The following FAM120AOS variants were observed in gnomAD, a reference collection of about 807,000 sequenced individuals.
FAM120AOS encodes family with sequence similarity 120 member A opposite strand, also known as uncharacterized protein FAM120AOS.
A neutral mutation model predicts 20.2 loss-of-function variants in FAM120AOS; 15 were observed. That is an observed-to-expected ratio of 0.74 (90% confidence interval 0.50 to 1.15). FAM120AOS has a LOEUF of 1.15. FAM120AOS is among the 50% of genes most tolerant of loss of function. The pLI is 0.00. For synonymous variants in FAM120AOS, 154 were observed against 154.0 expected, an observed-to-expected ratio of 1.00 and a Z score of 0.00; for missense variants, 327 against 351.9, an observed-to-expected ratio of 0.93 and a Z score of 0.57.
chr9:93,450,619 G>A lies in FAM120AOS; in HGVS notation c.564-20C>T, dbSNP rs1213735577. 1.9e-6 allele frequency: 3 copies of A among 1,606,928 alleles called. No homozygotes were observed. Among genetic ancestry groups the A allele is most frequent in the South Asian group, 2.2e-5 (2 of 90,346 alleles). On this transcript the variant is annotated intron_variant, in intron 1 of 2. Coordinates refer to ENST00000375412, the MANE Select transcript of FAM120AOS (RefSeq NM_198841.4). ...AGGTTTCTCCAAAAAAAGAACAAATGGAGAGATGAAGGTAAGTAAAAGCGG... is the reference window on the plus strand; with the variant it reads ...AGGTTTCTCCAAAAAAAGAACAAATAGAGAGATGAAGGTAAGTAAAAGCGG...
rs1856778689 is a variant in FAM120AOS at position 93,444,225 on chromosome 9, A to G, written c.*3386T>C. Among the ~76,000 whole-genome samples the G allele has an allele frequency of 6.6e-6, 1 of 151,958 alleles. No individual in the cohort carries two copies. The highest frequency in any genetic ancestry group is 2.4e-5 in the African/African-American group (1 of 41,332). On this transcript the variant is annotated 3_prime_UTR_variant, in exon 3 of 3. Coordinates refer to ENST00000375412, the MANE Select transcript of FAM120AOS (RefSeq NM_198841.4). ...CCAGCTAATTTTGTGTTTTTAGTAGAGACAGGGTTTCTCCATGTTGGTCAG... is the reference window on the plus strand; with the variant it reads ...CCAGCTAATTTTGTGTTTTTAGTAGGGACAGGGTTTCTCCATGTTGGTCAG...
chr9:93,451,364 C>A, intron 1 of FAM120AOS: 2 of 1,418,744 alleles, frequency 1.4e-6, no homozygotes, highest in Non-Finnish European at 1.8e-6. Context: ...CGAGAACCAC[C>A]GGGCGGAGGC....
Position 93,450,522 on chromosome 9 carries a change from G to A in FAM120AOS, c.641C>T (p.Ala214Val). 6.2e-7 allele frequency: 1 copy of A among 1,602,196 alleles called. No individual in the cohort carries two copies. Among genetic ancestry groups the A allele is most frequent in the Non-Finnish European group, 8.5e-7 (1 of 1,174,498 alleles). ...QLLPSTWSLH[A>V]HGLAKEAPIL... ...GGGGGCTTCTTTGGCCAAACCGTGC[G>A]CGTGCAGGCTCCATGTGCTGGGCAG... The change falls in exon 2 of 3, where the codon GCG becomes GTG. Residue 214 changes from alanine (A) to valine (V), a missense_variant. By Grantham distance (64) the Ala-to-Val change is moderately conservative. Around this residue, in one of 3 missense-constraint regions of FAM120AOS, gnomAD observed 86 missense variants for 82.9 expected, o/e 1.04. Coordinates refer to ENST00000375412, the MANE Select transcript of FAM120AOS (RefSeq NM_198841.4).
intron 1 of FAM120AOS, chr9:93,451,179 T>G: frequency 6.5e-7 from 1 of 1,549,702 alleles, no homozygotes; most frequent in Non-Finnish European, 8.7e-7. Context: ...GACCCCGCAG[T>G]CAGTGTGGGC....
chr9:93,450,767 T>TC, intron 1 of FAM120AOS, 168 bp from the exon 2 acceptor site: 1 of 1,148,670 alleles, frequency 8.7e-7, no homozygotes, highest in Non-Finnish European at 1.3e-6. Flanking sequence ...TTAGAAGCAG[T>TC]TACGACAGAG....
chr9:93,450,892 TCA>T (rs1426625903), intron 1 of FAM120AOS: 1 of 987,838 alleles, frequency 1.0e-6, no homozygotes, highest in Non-Finnish European at 1.6e-6. Context: ...GGCGCACGTT[TCA>T]GTCTAGCCAT....
intron 2 of FAM120AOS, 29 bp from the exon 3 acceptor site, chr9:93,447,726 T>C (rs1468853365): frequency 2.6e-6 from 4 of 1,566,992 alleles, no homozygotes; most frequent in Non-Finnish European, 1.8e-6. Flanking sequence ...AGGTAGTTTA[T>C]ATATTAGTTT....
chr9:93,447,168 T>G lies in FAM120AOS; in HGVS notation c.*443A>C. On this transcript the variant is annotated 3_prime_UTR_variant, in exon 3 of 3. Coordinates refer to ENST00000375412, the MANE Select transcript of FAM120AOS (RefSeq NM_198841.4). ...GGCAATATGATCTGTTGCAGGAGGG[T>G]TTATAGGGTACTTAGTTACACAGGT... The G allele has an allele frequency of 6.1e-6, 1 of 162,868 alleles. No individual in the cohort carries two copies. Among genetic ancestry groups the G allele is most frequent in the Non-Finnish European group, 1.4e-5 (1 of 73,688 alleles). 10.1% of individuals were successfully genotyped at this position (162,868 alleles called of 1,614,324 possible).
In FAM120AOS at chr9:93,452,735, C is replaced by T. The variant is rs764927222; in HGVS notation, c.-26G>A. ...CCTATTTGAGGCGGGCAGGCTATCA[C>T]TCACCTTCAACTTTGACAAAATACT... is the stretch of plus-strand genomic sequence containing the variant. On this transcript the variant is annotated 5_prime_UTR_variant, in exon 1 of 3. It adds an upstream start codon to the 5' untranslated region. Transcript: ENST00000375412. The surrounding 1 kb of genome is among the most constrained non-coding windows in gnomAD (Gnocchi z 7.0). 3.8e-6 allele frequency: 6 copies of T among 1,598,068 alleles called. No individual in the cohort carries two copies. In the Admixed American group the frequency reaches 8.3e-5, roughly 22 times the overall value.
chr9:93,447,474 A>C lies in FAM120AOS; in HGVS notation c.*137T>G, dbSNP rs1588738815. 1.3e-6 allele frequency: 1 copy of C among 779,750 alleles called. No individual in the cohort carries two copies. Among genetic ancestry groups the C allele is most frequent in the Non-Finnish European group, 2.1e-6 (1 of 465,542 alleles). The allele number at this position is 779,750 out of a possible 1,614,324, so 48.3% of individuals were successfully genotyped here. A position where few individuals can be genotyped will look rare whatever the true frequency, so the allele number is the denominator to read the frequency against. On this transcript the variant is annotated 3_prime_UTR_variant, in exon 3 of 3. Transcript: ENST00000375412. ...ATAAAGACCACTCTAGCTTTAAAAC[A>C]CCCTCCAATATAGAGAGAACTCTGA...
intron 2 of FAM120AOS, among the ~76,000 whole-genome samples, chr9:93,448,725 C>G (rs1385978180): frequency 1.3e-5 from 2 of 152,136 alleles, no homozygotes; most frequent in Non-Finnish European, 2.9e-5. Flanking sequence ...TCACGCCATT[C>G]TCCTGCCTCA....
In FAM120AOS at chr9:93,445,591, T is replaced by TG. The variant is rs1415811908; in HGVS notation, c.*2019_*2020insC. Among the ~76,000 whole-genome samples, 107 of 142,486 alleles carry TG rather than the reference T, an allele frequency of 7.5e-4. No individual in the cohort carries two copies. Among genetic ancestry groups the TG allele is most frequent in the Admixed American group, 1.4e-3 (20 of 14,380 alleles). 93.5% of individuals were successfully genotyped at this position (142,486 alleles called of 152,430 possible). ...CTTTCATAAAAATCGTTGTTTTTTT[T>TG]TTTTTTTTTTTTTTTTGAGACAAGG... is the stretch of plus-strand genomic sequence containing the variant. On this transcript the variant is annotated 3_prime_UTR_variant, in exon 3 of 3. Coordinates refer to ENST00000375412, the MANE Select transcript of FAM120AOS (RefSeq NM_198841.4).
chr9:93,451,386 T>C, intron 1 of FAM120AOS: 1 of 1,397,728 alleles, frequency 7.2e-7, no homozygotes, highest in Non-Finnish European at 9.3e-7. Flanking sequence ...GCGGCCTCTC[T>C]GGCCCTGCCG....
In FAM120AOS at chr9:93,452,883, C is replaced by T. The variant is rs923150242; in HGVS notation, c.-174G>A. 1.9e-5 allele frequency: 27 copies of T among 1,447,870 alleles called. No homozygotes were observed. The highest frequency in any genetic ancestry group is 1.9e-5 in the Non-Finnish European group (21 of 1,108,732). 89.7% of individuals were successfully genotyped at this position (1,447,870 alleles called of 1,614,324 possible). ...GGGCTGCAAATATCAGTGCTGCTGCCGCCGCCCTTGCCAATGTTGTTAGCC... is the reference window on the plus strand; with the variant it reads ...GGGCTGCAAATATCAGTGCTGCTGCTGCCGCCCTTGCCAATGTTGTTAGCC... On this transcript the variant is annotated 5_prime_UTR_variant, in exon 1 of 3. Coordinates refer to ENST00000375412, the MANE Select transcript of FAM120AOS (RefSeq NM_198841.4). This position sits in a 1 kb window ranked among gnomAD's most constrained non-coding sequence, Gnocchi z 7.0.
Position 93,452,075 on chromosome 9 carries a change from C to T in FAM120AOS, c.563+72G>A, listed in dbSNP as rs1489386402. 11 of 1,603,654 alleles carry T rather than the reference C, an allele frequency of 6.9e-6. No individual in the cohort carries two copies. Among genetic ancestry groups the T allele is most frequent in the Non-Finnish European group, 7.7e-6 (9 of 1,176,102 alleles). ...CCTGCTGGTGGACGCCGACAACTGCCTGCACCGCCTCTACGGCGGCTTCTA... is the reference window on the plus strand; with the variant it reads ...CCTGCTGGTGGACGCCGACAACTGCTTGCACCGCCTCTACGGCGGCTTCTA... On this transcript the variant is annotated intron_variant, in intron 1 of 2. Transcript: ENST00000375412. This position sits in a 1 kb window ranked among gnomAD's most constrained non-coding sequence, Gnocchi z 7.0.
At chr9:93,447,794 GCTCTCCTACC>G in intron 2 of FAM120AOS, 97 bp from the exon 3 acceptor site, 2 of 1,066,844 alleles carry the variant, frequency 1.9e-6, no homozygotes, top group South Asian at 2.7e-5. Flanking sequence ...TCTCTGTGGA[GCTCTCCTACC>G]CTCTGCTACT....
At chr9:93,447,835 G>T (rs1856911573) in intron 2 of FAM120AOS, 138 bp from the exon 3 acceptor site, 3 of 737,862 alleles carry the variant, frequency 4.1e-6, no homozygotes, top group African/African-American at 3.5e-5. Context: ...CATAGTACTG[G>T]AGAGATAGCA....
chr9:93,453,344 A>C lies in FAM120AOS; in HGVS notation c.-635T>G. Reference sequence around the variant, plus strand: ...CCAGAGGAGAACTTCAGGACCCAGCAGTGACTGTGAAGATAAGCACATCCA... The same window carrying C: ...CCAGAGGAGAACTTCAGGACCCAGCCGTGACTGTGAAGATAAGCACATCCA... On this transcript the variant is annotated 5_prime_UTR_variant, in exon 1 of 3. Coordinates refer to ENST00000375412, the MANE Select transcript of FAM120AOS (RefSeq NM_198841.4). The C allele has an allele frequency of 1.0e-6, 1 of 985,744 alleles. No individual in the cohort carries two copies. Among genetic ancestry groups the C allele is most frequent in the Non-Finnish European group, 1.2e-6 (1 of 830,116 alleles). The allele number at this position is 985,744 out of a possible 1,614,324, so 61.1% of individuals were successfully genotyped here. A position where few individuals can be genotyped will look rare whatever the true frequency, so the allele number is the denominator to read the frequency against.
Position 93,443,667 on chromosome 9 carries a change from G to A in FAM120AOS, c.*3944C>T, listed in dbSNP as rs115985232. 8.4e-3 allele frequency among the ~76,000 whole-genome samples: 1,276 copies of A among 152,324 alleles called. 11 individuals carry two copies. The highest frequency in any genetic ancestry group is 0.029 in the African/African-American group (1,195 of 41,576). On this transcript the variant is annotated 3_prime_UTR_variant, in exon 3 of 3. Coordinates refer to ENST00000375412, the MANE Select transcript of FAM120AOS (RefSeq NM_198841.4). ...TTTGGTGGTGGTGGTCCGAGTGTCA[G>A]TTCAGAGTGTGGCTGTGTTGCCTGG...
Sources: allele counts gnomAD v4.1 joint callset (sites outside exome capture counted in the v4.1 genomes callset), GRCh38; gene constraint gnomAD v4.1.1; regional missense constraint gnomAD v4.1.1; non-coding constraint Gnocchi (gnomAD v3.1); transcripts MANE v1.5; gene names NCBI Gene and HGNC (gene_info 2026-07-23, HGNC 2026-07-21).